Variants in CNTN1 observed in about 807,000 individuals in gnomAD.
CNTN1 encodes contactin 1, also known as contactin-1.
CNTN1 carries 38 observed loss-of-function variants against 126.4 expected under a neutral mutation model. The observed-to-expected ratio is 0.30, with a 90% CI of 0.23 to 0.39. The LOEUF (loss-of-function observed/expected upper bound fraction) is 0.39, where lower values mean the gene tolerates loss of function less well. Among genes scored for constraint, CNTN1 ranks in the 10% least tolerant of loss-of-function variants. CNTN1 has a pLI of 1.00. For missense variants in CNTN1, 1,009 were observed against 1,248.4 expected, an observed-to-expected ratio of 0.81 and a Z score of 2.89; for synonymous variants, 413 against 422.6, an observed-to-expected ratio of 0.98 and a Z score of 0.28.
At chr12:40,983,137 C>A (rs1009869057) in intron 16 of CNTN1, among the ~76,000 whole-genome samples, 1 of 151,896 alleles carries the variant, frequency 6.6e-6, no homozygotes, top group African/African-American at 2.4e-5. Context: ...TTAGTAATAG[C>A]CACTGCTGCT....
intron 14 of CNTN1, among the ~76,000 whole-genome samples, chr12:40,946,865 A>G (rs10879396): frequency 0.46 from 70,359 of 151,590 alleles, 16,331 homozygotes; most frequent in Admixed American, 0.5. Flanking sequence ...GTAATTTGGG[A>G]CTTCTTTTCC....
chr12:41,065,693 C>T (rs145330896), intron 23 of CNTN1, among the ~76,000 whole-genome samples: 362 of 152,176 alleles, frequency 2.4e-3, no homozygotes, highest in African/African-American at 8.5e-3. Context: ...TTGGGTATTC[C>T]CACTAATAGG....
chr12:40,729,515 T>G, intron 1 of CNTN1: 2 of 217,274 alleles, frequency 9.2e-6, no homozygotes, highest in Non-Finnish European at 2.0e-5. Context: ...CACGTATGAG[T>G]GCCTCATGCA....
At chr12:40,745,542 A>G (rs545427202) in intron 1 of CNTN1, among the ~76,000 whole-genome samples, 1 of 152,140 alleles carries the variant, frequency 6.6e-6, no homozygotes, top group South Asian at 2.1e-4. Flanking sequence ...GGGTTAAGAT[A>G]AGGGATTATG....
At chr12:40,731,976 C>T (rs768688014) in intron 1 of CNTN1, among the ~76,000 whole-genome samples, 5 of 152,024 alleles carry the variant, frequency 3.3e-5, no homozygotes, top group South Asian at 4.2e-4. Flanking sequence ...TCTTGGGGAA[C>T]AGGCATTTGG....
At chr12:40,786,100 A>C (rs1329641151) in intron 1 of CNTN1, among the ~76,000 whole-genome samples, 2 of 152,188 alleles carry the variant, frequency 1.3e-5, no homozygotes, top group Non-Finnish European at 2.9e-5. Flanking sequence ...ACATTACCAG[A>C]CTAAAATCGA....
At chr12:41,024,660 G>GTATT (rs1485465516) in intron 20 of CNTN1, among the ~76,000 whole-genome samples, 4 of 152,114 alleles carry the variant, frequency 2.6e-5, no homozygotes. Flanking sequence ...GCAGAAGAAA[G>GTATT]TATTACTTTA....
chr12:40,780,269 C>T (rs1023627831), intron 1 of CNTN1, among the ~76,000 whole-genome samples: 9 of 151,800 alleles, frequency 5.9e-5, no homozygotes, highest in African/African-American at 2.2e-4. Flanking sequence ...AGATGGGCAT[C>T]CTGGGAGGAT....
intron 1 of CNTN1, among the ~76,000 whole-genome samples, chr12:40,797,494 G>A (rs1940482521): frequency 2.0e-5 from 3 of 152,018 alleles, no homozygotes; most frequent in African/African-American, 7.2e-5. Context: ...GGAATGTAGT[G>A]AGTGGGGGAA....
rs559905124 is a variant in CNTN1 at position 40,971,258 on chromosome 12, G to A, written c.1805-9651G>A. On this transcript the variant is annotated intron_variant, in intron 15 of 23. Transcript: ENST00000551295. ...GGTTTTAATTGGGCCACAGCTTGTG[G>A]CATCGGTCTTCTCCCTTTGGCCCCC... is the stretch of plus-strand genomic sequence containing the variant. Among the ~76,000 whole-genome samples, 17 of 152,276 alleles carry A rather than the reference G, an allele frequency of 1.1e-4. No homozygotes were observed. The South Asian group carries it at 3.5e-3, about 32-fold the overall frequency.
intron 1 of CNTN1, among the ~76,000 whole-genome samples, chr12:40,804,897 A>C (rs1158880828): frequency 1.3e-5 from 2 of 151,932 alleles, no homozygotes; most frequent in East Asian, 3.9e-4. Context: ...TGCATTTTTG[A>C]AAGATTTTCA....
intron 1 of CNTN1, among the ~76,000 whole-genome samples, chr12:40,789,761 A>G (rs1319253689): frequency 2.6e-5 from 4 of 152,156 alleles, no homozygotes; most frequent in African/African-American, 9.7e-5. Context: ...AAATTCTTCA[A>G]AAATATTATT....
At chr12:40,907,634 T>A (rs1449914407) in intron 1 of CNTN1, among the ~76,000 whole-genome samples, 3 of 152,236 alleles carry the variant, frequency 2.0e-5, no homozygotes, top group African/African-American at 7.2e-5. Flanking sequence ...ATATTAGTAA[T>A]TTTATTTTCT....
intron 1 of CNTN1, among the ~76,000 whole-genome samples, chr12:40,871,102 C>T (rs899927513): frequency 6.8e-6 from 1 of 148,000 alleles, no homozygotes; most frequent in Non-Finnish European, 1.5e-5. Flanking sequence ...ATTTCTCTTG[C>T]TACCATAAAA....
At chr12:41,057,221 ATAT>A (rs1280979471) in intron 23 of CNTN1, among the ~76,000 whole-genome samples, 35 of 145,588 alleles carry the variant, frequency 2.4e-4, no homozygotes, top group Non-Finnish European at 4.8e-4. Context: ...ATATTTATAA[ATAT>A]TATTATAAAT....
At chr12:40,807,633 A>T (rs965295965) in intron 1 of CNTN1, among the ~76,000 whole-genome samples, 4 of 152,162 alleles carry the variant, frequency 2.6e-5, no homozygotes, top group African/African-American at 7.2e-5. Flanking sequence ...AGTGGACTTC[A>T]TTAGATCCTT....
intron 1 of CNTN1, among the ~76,000 whole-genome samples, chr12:40,720,590 TCTC>T (rs1051987507): frequency 1.3e-5 from 2 of 152,174 alleles, no homozygotes. Context: ...ATATTTTAAA[TCTC>T]CTTGAAAGTT....
intron 1 of CNTN1, among the ~76,000 whole-genome samples, chr12:40,789,288 C>T (rs1234418968): frequency 6.6e-6 from 1 of 152,114 alleles, no homozygotes; most frequent in African/African-American, 2.4e-5. Flanking sequence ...GTCAATAACA[C>T]TTAAATTGCT....
chr12:40,809,496 A>G (rs1488342702), intron 1 of CNTN1, among the ~76,000 whole-genome samples: 1 of 152,128 alleles, frequency 6.6e-6, no homozygotes, highest in African/African-American at 2.4e-5. Context: ...TCTTGAACCT[A>G]TAGTCAAGTA....
Sources: allele counts gnomAD v4.1 joint callset (sites outside exome capture counted in the v4.1 genomes callset), GRCh38; gene constraint gnomAD v4.1.1; transcripts MANE v1.5; gene names NCBI Gene and HGNC (gene_info 2026-07-23, HGNC 2026-07-21).